Variants in LIN28B observed in about 807,000 individuals in gnomAD.
LIN28B encodes protein lin-28 homolog B.
A neutral mutation model predicts 21.9 loss-of-function variants in LIN28B; 5 were observed. The ratio of observed to expected loss-of-function variants is 0.23; its 90% CI spans 0.12 to 0.48. The LOEUF (loss-of-function observed/expected upper bound fraction) is 0.48. Ranked by LOEUF, LIN28B falls within the 20% of genes least tolerant of loss-of-function variation. The probability of loss-of-function intolerance (pLI) is 0.98; values close to 1 mark genes in which losing one functional copy is unlikely to be tolerated. For missense variants in LIN28B, 245 were observed against 310.5 expected, an observed-to-expected ratio of 0.79 and a Z score of 1.58; for synonymous variants, 109 against 111.3, an observed-to-expected ratio of 0.98 and a Z score of 0.13.
At chr6:104,944,390 A>G (rs1353752307) in intron 2 of LIN28B, among the ~76,000 whole-genome samples, 1 of 152,192 alleles carries the variant, frequency 6.6e-6, no homozygotes, top group Non-Finnish European at 1.5e-5. Flanking sequence ...CTGGTAAGAT[A>G]GAGTATGAAC....
chr6:105,041,744 A>G (rs192126281), intron 3 of LIN28B, among the ~76,000 whole-genome samples: 2 of 152,236 alleles, frequency 1.3e-5, no homozygotes, highest in East Asian at 3.9e-4. Context: ...ATCACATGGG[A>G]TCTTGCTTAA....
In LIN28B at chr6:105,081,474, C is replaced by T. The variant is rs1289000304; in HGVS notation, c.*2691C>T. On this transcript the variant is annotated 3_prime_UTR_variant, in exon 4 of 4. Transcript: ENST00000345080. ...GATACATAGCACACCTGTATGTATG[C>T]TGTTCCAGCCTTACAGGTGGCTGAT... 2 of 152,592 alleles carry T rather than the reference C, an allele frequency of 1.3e-5. No individual in the cohort carries two copies. The highest frequency in any genetic ancestry group is 2.4e-5 in the African/African-American group (1 of 41,440). 9.5% of individuals were successfully genotyped at this position (152,592 alleles called of 1,614,324 possible).
chr6:105,079,034 G>A lies in LIN28B; in HGVS notation c.*251G>A. 1 of 415,476 alleles carries A rather than the reference G, an allele frequency of 2.4e-6. No homozygotes were observed. The highest frequency in any genetic ancestry group is 4.3e-6 in the Non-Finnish European group (1 of 231,042). The allele number at this position is 415,476 out of a possible 1,614,324, so 25.7% of individuals were successfully genotyped here. The stretch of plus-strand genomic sequence containing the variant: ...CATGTGTGAGAGGGAGAGAGCCTGA[G>A]TCTGTGTGTGTACATGAGGATTTTT... On this transcript the variant is annotated 3_prime_UTR_variant, in exon 4 of 4. Transcript: ENST00000345080.
At chr6:104,950,069 T>C (rs1157916013) in intron 2 of LIN28B, among the ~76,000 whole-genome samples, 4 of 152,140 alleles carry the variant, frequency 2.6e-5, no homozygotes, top group Non-Finnish European at 4.4e-5. Context: ...GTCAAAGAAG[T>C]TAGTTCTTCA....
chr6:104,956,224 T>TGCCTGGCGATCCCCTCCCCC (rs1222028420), upstream of LIN28B, among the ~76,000 whole-genome samples: 8 of 150,606 alleles, frequency 5.3e-5, no homozygotes, highest in Admixed American at 4.6e-4. Context: ...TCACCTCCCC[T>TGCCTGGCGATCCCCTCCCCC]GCCTGGCGAT....
At chr6:104,983,693 C>T (rs1770272569) in intron 2 of LIN28B, among the ~76,000 whole-genome samples, 1 of 152,178 alleles carries the variant, frequency 6.6e-6, no homozygotes. Context: ...TCTCCTGCCT[C>T]AGCCTCCCAA....
intron 2 of LIN28B, among the ~76,000 whole-genome samples, chr6:105,017,422 A>AT (rs1771052669): frequency 6.6e-6 from 1 of 152,206 alleles, no homozygotes; most frequent in Admixed American, 6.5e-5. Flanking sequence ...CTGGATACTT[A>AT]TAAAAATAGT....
At chr6:105,039,422 T>C (rs1441349814) in intron 3 of LIN28B, among the ~76,000 whole-genome samples, 1 of 152,200 alleles carries the variant, frequency 6.6e-6, no homozygotes, top group African/African-American at 2.4e-5. Context: ...TAGAGCTACA[T>C]CTCAAGGATA....
chr6:104,939,938 A>G (rs1392004564), intron 2 of LIN28B, among the ~76,000 whole-genome samples: 2 of 152,234 alleles, frequency 1.3e-5, no homozygotes, highest in Non-Finnish European at 2.9e-5. Flanking sequence ...ATTATAGGAG[A>G]GAAAGCAGTG....
At chr6:104,961,724 G>A (rs1769743164) in intron 2 of LIN28B, among the ~76,000 whole-genome samples, 1 of 152,062 alleles carries the variant, frequency 6.6e-6, no homozygotes, top group African/African-American at 2.4e-5. Context: ...TTACTAAGGT[G>A]ATTTCATAAA....
intron 3 of LIN28B, among the ~76,000 whole-genome samples, chr6:105,031,446 A>C (rs1211907179): frequency 5.3e-5 from 8 of 152,108 alleles, no homozygotes; most frequent in Non-Finnish European, 8.8e-5. Context: ...AATTTATATT[A>C]AATTTGGAAG....
intron 2 of LIN28B, among the ~76,000 whole-genome samples, chr6:104,946,600 A>G (rs2114547210): frequency 1.3e-5 from 2 of 152,302 alleles, no homozygotes; most frequent in East Asian, 3.9e-4. Flanking sequence ...TAGTCAATTT[A>G]AATCAGTATT....
intron 3 of LIN28B, among the ~76,000 whole-genome samples, chr6:105,031,215 C>A (rs1183522109): frequency 6.6e-6 from 1 of 151,984 alleles, no homozygotes; most frequent in African/African-American, 2.4e-5. Context: ...TCTGTAACCA[C>A]CGTTATTTAT....
At chr6:105,063,009 G>C (rs909560350) in intron 3 of LIN28B, among the ~76,000 whole-genome samples, 1 of 152,000 alleles carries the variant, frequency 6.6e-6, no homozygotes, top group African/African-American at 2.4e-5. Flanking sequence ...ACTGTCACGT[G>C]TTCTTTTAGT....
intron 3 of LIN28B, among the ~76,000 whole-genome samples, chr6:105,043,028 T>C (rs1292072383): frequency 6.6e-6 from 1 of 152,198 alleles, no homozygotes; most frequent in Non-Finnish European, 1.5e-5. Context: ...ACCTCTGAAC[T>C]GTCCTTTGCT....
upstream of LIN28B, among the ~76,000 whole-genome samples, chr6:104,952,995 C>G (rs1367223814): frequency 6.6e-6 from 1 of 152,226 alleles, no homozygotes; most frequent in Non-Finnish European, 1.5e-5. Context: ...AAGACCCAAG[C>G]ACCCAGTCGG....
At position 105,081,546 on chromosome 6, in the gene LIN28B, C is replaced by T. The variant is rs549131096; in HGVS notation, c.*2763C>T. ...TTTATCTGTATTATAAATAGCAATT[C>T]ACAACTGCATGTTTCTGACAAACAC... On this transcript the variant is annotated 3_prime_UTR_variant, in exon 4 of 4. Coordinates refer to ENST00000345080, the MANE Select transcript of LIN28B (RefSeq NM_001004317.4). 4 of 152,484 alleles carry T rather than the reference C, an allele frequency of 2.6e-5. No homozygotes were observed. The highest frequency in any genetic ancestry group is 4.4e-5 in the Non-Finnish European group (3 of 68,046). 9.4% of individuals were successfully genotyped at this position (152,484 alleles called of 1,614,324 possible).
At position 104,958,037 on chromosome 6, in the gene LIN28B, T is replaced by A. The variant is rs192256707; in HGVS notation, c.11-62T>A. 68 of 1,221,656 alleles carry A rather than the reference T, an allele frequency of 5.6e-5. 2 individuals carry two copies. In the Admixed American group the frequency reaches 1.1e-3, roughly 21 times the overall value. 75.7% of individuals were successfully genotyped at this position (1,221,656 alleles called of 1,614,324 possible). Reference sequence around the variant, plus strand: ...CCCCAGGCAGGCAATTTTTTTTTTTTAATCTTTGAATGCACATTGAATGGG... The same window carrying A: ...CCCCAGGCAGGCAATTTTTTTTTTTAAATCTTTGAATGCACATTGAATGGG... On this transcript the variant is annotated intron_variant, in intron 1 of 3. Transcript: ENST00000345080.
chr6:105,047,925 C>T (rs557907217), intron 3 of LIN28B, among the ~76,000 whole-genome samples: 31 of 152,246 alleles, frequency 2.0e-4, no homozygotes, highest in Middle Eastern at 6.8e-3. Context: ...TGGGCTGAGA[C>T]GATGTGGTTT....
Sources: allele counts gnomAD v4.1 joint callset (sites outside exome capture counted in the v4.1 genomes callset), GRCh38; gene constraint gnomAD v4.1.1; transcripts MANE v1.5; gene names NCBI Gene and HGNC (gene_info 2026-07-23, HGNC 2026-07-21).